CREBRF: variants seen among roughly 807,000 people sequenced by gnomAD.
The protein encoded by CREBRF is CREB3 regulatory factor, also known as UPF0474 protein C5orf41.
In CREBRF, 5 loss-of-function variants were observed where a neutral mutation model predicts 66.1. The observed-to-expected ratio is 0.08, with a 90% CI of 0.04 to 0.16. The LOEUF is 0.16. Ranked by LOEUF, CREBRF falls within the 10% of genes least tolerant of loss-of-function variation. CREBRF has a pLI of 1.00. For synonymous variants in CREBRF, 229 were observed against 264.4 expected (o/e 0.87, Z 1.30); for missense variants, 531 against 744.9 (o/e 0.71, Z 3.34).
At chr5:173,099,217 G>A (rs1460396154) in intron 4 of CREBRF, among the ~76,000 whole-genome samples, 1 of 151,994 alleles carries the variant, frequency 6.6e-6, no homozygotes, top group African/African-American at 2.4e-5. Context: ...GTGCAGTGGT[G>A]CAATCACTGC....
intron 7 of CREBRF, among the ~76,000 whole-genome samples, chr5:173,122,393 A>G (rs1023394048): frequency 2.7e-4 from 41 of 152,082 alleles, no homozygotes; most frequent in Admixed American, 2.0e-4. Flanking sequence ...GAGCCACTGC[A>G]CCTGGCTAAT....
chr5:173,077,017 C>T (rs113863296), intron 1 of CREBRF, among the ~76,000 whole-genome samples: 2,218 of 151,498 alleles, frequency 0.015, 27 homozygotes, highest in Non-Finnish European at 0.022. Context: ...AATCTCGGCT[C>T]ACTATAACCT....
chr5:173,099,917 G>A (rs1758574301), intron 4 of CREBRF, among the ~76,000 whole-genome samples: 1 of 139,076 alleles, frequency 7.2e-6, no homozygotes. Context: ...TTGAGACAGA[G>A]TCTTGCTCTG....
intron 4 of CREBRF, among the ~76,000 whole-genome samples, chr5:173,096,296 A>T (rs1422796965): frequency 6.6e-6 from 1 of 152,144 alleles, no homozygotes; most frequent in African/African-American, 2.4e-5. Context: ...GGTTTTCTAG[A>T]TACAAGATCA....
intron 1 of CREBRF, among the ~76,000 whole-genome samples, chr5:173,058,507 G>A (rs1029060471): frequency 3.3e-5 from 5 of 151,036 alleles, no homozygotes; most frequent in Admixed American, 6.6e-5. Flanking sequence ...AATTTGAGAC[G>A]GAGTCTCGCT....
At chr5:173,083,662 T>C (rs1758039018) in intron 2 of CREBRF, among the ~76,000 whole-genome samples, 1 of 152,162 alleles carries the variant, frequency 6.6e-6, no homozygotes, top group Non-Finnish European at 1.5e-5. Flanking sequence ...GTGAGAGTGA[T>C]TTGCTGTATC....
At chr5:173,074,732 C>T (rs193111921) in intron 1 of CREBRF, among the ~76,000 whole-genome samples, 1 of 152,180 alleles carries the variant, frequency 6.6e-6, no homozygotes, top group East Asian at 1.9e-4. Flanking sequence ...AAGTGATTCT[C>T]CTGTCTCAGC....
At chr5:173,119,001 C>T (rs1207061494) in intron 7 of CREBRF, among the ~76,000 whole-genome samples, 4 of 152,076 alleles carry the variant, frequency 2.6e-5, no homozygotes, top group Non-Finnish European at 1.5e-5. Flanking sequence ...GCTGGGATTA[C>T]AGGCATGAGC....
At chr5:173,119,838 T>A (rs1759096718) in intron 7 of CREBRF, among the ~76,000 whole-genome samples, 1 of 152,216 alleles carries the variant, frequency 6.6e-6, no homozygotes, top group Non-Finnish European at 1.5e-5. Flanking sequence ...TTTTTGCATC[T>A]ATTGGAACAA....
intron 4 of CREBRF, among the ~76,000 whole-genome samples, chr5:173,100,080 G>GTGTGTGTA (rs199732789): frequency 0.11 from 7,690 of 69,460 alleles, 268 homozygotes; most frequent in Non-Finnish European, 0.14. Flanking sequence ...CTAATCTTTT[G>GTGTGTGTA]TGTGTGTGTG....
At chr5:173,058,264 T>C (rs1216547382) in intron 1 of CREBRF, among the ~76,000 whole-genome samples, 1 of 152,208 alleles carries the variant, frequency 6.6e-6, no homozygotes, top group East Asian at 1.9e-4. Flanking sequence ...AAATGCTTAA[T>C]TTAGGTTTGT....
chr5:173,111,114 A>G (rs1158040152), intron 6 of CREBRF, among the ~76,000 whole-genome samples: 1 of 152,170 alleles, frequency 6.6e-6, no homozygotes, highest in African/African-American at 2.4e-5. Flanking sequence ...CATTTTCATC[A>G]TCTTAAAAAG....
chr5:173,065,809 A>G (rs1403354218), intron 1 of CREBRF, among the ~76,000 whole-genome samples: 1 of 149,754 alleles, frequency 6.7e-6, no homozygotes, highest in African/African-American at 2.5e-5. Context: ...TGCCCAGCTA[A>G]TTTTTTTTGT....
At chr5:173,063,931 A>G (rs1757357369) in intron 1 of CREBRF, among the ~76,000 whole-genome samples, 1 of 151,718 alleles carries the variant, frequency 6.6e-6, no homozygotes, top group Non-Finnish European at 1.5e-5. Flanking sequence ...CATGTTGGCC[A>G]GGCTGGTCTT....
At chr5:173,080,853 TAAATG>T in intron 2 of CREBRF, 69 bp downstream of exon 2, 2 of 1,435,126 alleles carry the variant, frequency 1.4e-6, no homozygotes, top group South Asian at 2.4e-5. Flanking sequence ...CTTTGACTCT[TAAATG>T]AATCTTAACA....
chr5:173,089,372 A>G (rs1167281586), intron 3 of CREBRF, among the ~76,000 whole-genome samples: 1 of 152,188 alleles, frequency 6.6e-6, no homozygotes, highest in Non-Finnish European at 1.5e-5. Context: ...AAACATATGT[A>G]TATAGTTTTT....
rs1181210247 is a variant in CREBRF at position 173,135,039 on chromosome 5, C to T, written c.*1294C>T. 1 of 151,892 alleles carries T rather than the reference C, an allele frequency of 6.6e-6. No individual in the cohort carries two copies. Among genetic ancestry groups the T allele is most frequent in the Non-Finnish European group, 1.5e-5 (1 of 67,830 alleles). 9.4% of individuals were successfully genotyped at this position (151,892 alleles called of 1,614,324 possible). ...TTAGCTTATTGTAGTATACTTCCAC[C>T]AGACAACAAAATAGATTATTTTTAT... is the stretch of plus-strand genomic sequence containing the variant. On this transcript the variant is annotated 3_prime_UTR_variant, in exon 9 of 9. Transcript: ENST00000296953.
At chr5:173,068,223 AG>A (rs1295517310) in intron 1 of CREBRF, 2 of 413,566 alleles carry the variant, frequency 4.8e-6, no homozygotes, top group African/African-American at 4.1e-5. Context: ...GAGTGGAACT[AG>A]GTTCAGGTTA....
At chr5:173,076,749 CA>C (rs1202344075) in intron 1 of CREBRF, among the ~76,000 whole-genome samples, 19,261 of 92,312 alleles carry the variant, frequency 0.21, 1,777 homozygotes, top group African/African-American at 0.38. Context: ...CAGTCAGTCT[CA>C]AAAAAAAAAA....
Sources: allele counts gnomAD v4.1 joint callset (sites outside exome capture counted in the v4.1 genomes callset), GRCh38; gene constraint gnomAD v4.1.1; transcripts MANE v1.5; gene names NCBI Gene and HGNC (gene_info 2026-07-23, HGNC 2026-07-21).